Variants in ACIN1 observed in about 807,000 individuals in gnomAD.
The protein encoded by ACIN1 is apoptotic chromatin condensation inducer in the nucleus.
Under a neutral mutation model 146.6 loss-of-function variants are expected in ACIN1, and 16 were observed. The ratio of observed to expected loss-of-function variants is 0.11; its 90% CI spans 0.07 to 0.17. ACIN1 has a LOEUF of 0.17. ACIN1 is among the 10% of genes least tolerant of loss of function. The pLI, the probability that ACIN1 is intolerant of heterozygous loss-of-function variation, is 1.00. For synonymous variants in ACIN1, 569 were observed against 582.7 expected, an observed-to-expected ratio of 0.98 and a Z score of 0.34; for missense variants, 1,357 against 1,609.3, an observed-to-expected ratio of 0.84 and a Z score of 2.68.
chr14:23,078,768 A>C, intron 7 of ACIN1, 52 bp downstream of exon 7: 5 of 1,555,562 alleles, frequency 3.2e-6, no homozygotes, highest in Non-Finnish European at 3.5e-6. Context: ...ACAAGAGGGA[A>C]GATCTTGCTT....
intron 1 of ACIN1, chr14:23,094,443 G>A (rs939364723): frequency 4.1e-6 from 4 of 983,690 alleles, no homozygotes; most frequent in African/African-American, 3.5e-5. Flanking sequence ...CTAAATTAGA[G>A]ACCTCTCTCT....
At chr14:23,082,807 T>C (rs1193047234) in intron 4 of ACIN1, among the ~76,000 whole-genome samples, 3 of 151,604 alleles carry the variant, frequency 2.0e-5, no homozygotes, top group Non-Finnish European at 2.9e-5. Flanking sequence ...TGGCATGATC[T>C]AGGCTCACCA....
intron 7 of ACIN1, 25 bp from the exon 8 acceptor site, chr14:23,078,291 CAG>C: frequency 6.2e-7 from 1 of 1,603,032 alleles, no homozygotes; most frequent in Non-Finnish European, 8.5e-7. Context: ...CAAAAACGAA[CAG>C]AGCAAAACAT....
At chr14:23,082,421 T>C (rs892069171) in intron 4 of ACIN1, among the ~76,000 whole-genome samples, 3 of 151,600 alleles carry the variant, frequency 2.0e-5, no homozygotes, top group African/African-American at 7.3e-5. Flanking sequence ...TTAGGTTTTA[T>C]GTATTAGAGC....
intron 7 of ACIN1, 87 bp from the exon 8 acceptor site, chr14:23,078,353 G>T: frequency 8.7e-7 from 1 of 1,143,354 alleles, no homozygotes; most frequent in African/African-American, 1.5e-5. Flanking sequence ...AAAAAGGCAG[G>T]GCAGGACATA....
Position 23,068,368 on chromosome 14 carries a change from G to A in ACIN1, c.2265+1108C>T. ...AGCACTGGCACAAGCTCTTCTTGGG[G>A]TGTCCCAAGTAGGGAGATGATGCAA... On this transcript the variant is annotated intron_variant, in intron 9 of 18. Coordinates refer to ENST00000605057, the MANE Select transcript of ACIN1 (RefSeq NM_001386863.1). The surrounding 1 kb of genome is among the most constrained non-coding windows in gnomAD (Gnocchi z 4.3). The A allele has an allele frequency of 1.0e-6, 1 of 985,974 alleles. No homozygotes were observed. The highest frequency in any genetic ancestry group is 1.2e-6 in the Non-Finnish European group (1 of 829,988). 61.1% of individuals were successfully genotyped at this position (985,974 alleles called of 1,614,324 possible). A position where few individuals can be genotyped will look rare whatever the true frequency, so the allele number is the denominator to read the frequency against.
At chr14:23,075,322 CCT>C (rs1491124791) in intron 8 of ACIN1, among the ~76,000 whole-genome samples, 3 of 134,880 alleles carry the variant, frequency 2.2e-5, no homozygotes, top group African/African-American at 3.4e-5. Context: ...TCTTTCTTCC[CCT>C]TTTTTTTTTT....
intron 16 of ACIN1, 32 bp downstream of exon 16, chr14:23,062,136 C>T: frequency 6.8e-7 from 1 of 1,480,768 alleles, no homozygotes; most frequent in Non-Finnish European, 9.4e-7. Context: ...TTCCCCTGCC[C>T]CTCCTCTCTT....
intron 1 of ACIN1, chr14:23,094,721 G>C: frequency 9.1e-6 from 6 of 662,034 alleles, no homozygotes; most frequent in Middle Eastern, 4.4e-4. Flanking sequence ...GAAGGAGGAA[G>C]GAGCTTAAGA....
intron 4 of ACIN1, among the ~76,000 whole-genome samples, chr14:23,088,341 G>GT (rs2048140132): frequency 6.6e-6 from 1 of 152,156 alleles, no homozygotes; most frequent in Admixed American, 6.5e-5. Context: ...GTATTGGCCA[G>GT]TATTTTCTTA....
chr14:23,094,837 T>C (rs2048332478), intron 1 of ACIN1, 138 bp downstream of exon 1: 1 of 1,279,338 alleles, frequency 7.8e-7, no homozygotes, highest in East Asian at 2.4e-5. Flanking sequence ...TCAACCACCG[T>C]GCGCGCGGAT....
Position 23,079,848 on chromosome 14 carries a change from T to A in ACIN1, c.1487A>T (p.Gln496Leu), listed in dbSNP as rs200642223. 1 of 1,614,224 alleles carries A rather than the reference T, an allele frequency of 6.2e-7. No homozygotes were observed. The highest frequency in any genetic ancestry group is 8.5e-7 in the Non-Finnish European group (1 of 1,180,034). Reference protein sequence around the residue: ...EECLKQPSLEQKEGRRASHTL... With the variant: ...EECLKQPSLELKEGRRASHTL... Reference sequence around the variant, plus strand: ...ATGAGAAGCTCTTCTGCCTTCCTTCTGTTCCAAAGATGGCTGTTTCAGACA... The same window carrying A: ...ATGAGAAGCTCTTCTGCCTTCCTTCAGTTCCAAAGATGGCTGTTTCAGACA... Residue 496 changes from glutamine (Q) to leucine (L), a missense_variant, in exon 6 of 19, where the codon CAG becomes CTG. Physicochemically the swap from Gln to Leu is moderately radical, Grantham distance 113. Coordinates refer to ENST00000605057, the MANE Select transcript of ACIN1 (RefSeq NM_001386863.1).
intron 1 of ACIN1, 153 bp downstream of exon 1, chr14:23,094,822 C>T: frequency 8.5e-7 from 1 of 1,183,218 alleles, no homozygotes; most frequent in African/African-American, 1.5e-5. Context: ...CCAGCGCGAA[C>T]CTCATCAACC....
At chr14:23,093,247 G>T (rs1040190940) in intron 2 of ACIN1, among the ~76,000 whole-genome samples, 1 of 152,188 alleles carries the variant, frequency 6.6e-6, no homozygotes, top group African/African-American at 2.4e-5. Context: ...TTCTACACAT[G>T]CCATTTCAAT....
In ACIN1 at chr14:23,064,275, C is replaced by T; in HGVS notation, c.2443-18G>A. The stretch of plus-strand genomic sequence containing the variant: ...ATGAGGCTCTGGGACACAGATACCC[C>T]CCACCCCGTTACACTGGGCCCATGT... On this transcript the variant is annotated intron_variant, in intron 11 of 18. Coordinates refer to ENST00000605057, the MANE Select transcript of ACIN1 (RefSeq NM_001386863.1). 1 of 1,613,978 alleles carries T rather than the reference C, an allele frequency of 6.2e-7. No individual in the cohort carries two copies. The highest frequency in any genetic ancestry group is 1.3e-5 in the African/African-American group (1 of 75,048).
intron 4 of ACIN1, among the ~76,000 whole-genome samples, chr14:23,089,510 C>T (rs1193984451): frequency 2.6e-5 from 4 of 152,218 alleles, no homozygotes; most frequent in African/African-American, 4.8e-5. Flanking sequence ...TGTCCATGTC[C>T]TCACTAGACT....
At chr14:23,070,105 C>T (rs2047585364) in intron 8 of ACIN1, among the ~76,000 whole-genome samples, 1 of 145,844 alleles carries the variant, frequency 6.9e-6, no homozygotes. Flanking sequence ...AAGGCTTTGG[C>T]AAAAAAGCCT....
rs561222807 is a variant in ACIN1 at position 23,076,922 on chromosome 14, C to A, written c.2123+1229G>T. Among the ~76,000 whole-genome samples, 7 of 152,262 alleles carry A rather than the reference C, an allele frequency of 4.6e-5. No homozygotes were observed. The South Asian group carries it at 1.5e-3, about 32-fold the overall frequency. ...TCACTTTATGGTCCCAGAAGAAAAACCCTTTTCCAAAGGATAGCGTACCCA... is the reference window on the plus strand; with the variant it reads ...TCACTTTATGGTCCCAGAAGAAAAAACCTTTTCCAAAGGATAGCGTACCCA... On this transcript the variant is annotated intron_variant, in intron 8 of 18. Transcript: ENST00000605057.
chr14:23,059,684 G>A (rs1169583110), intron 18 of ACIN1, among the ~76,000 whole-genome samples: 10 of 142,324 alleles, frequency 7.0e-5, no homozygotes, highest in Admixed American at 1.5e-4. Context: ...ACGGAGTCTC[G>A]CTCCGTCGCC....
Sources: allele counts gnomAD v4.1 joint callset (sites outside exome capture counted in the v4.1 genomes callset), GRCh38; gene constraint gnomAD v4.1.1; non-coding constraint Gnocchi (gnomAD v3.1); transcripts MANE v1.5; gene names NCBI Gene and HGNC (gene_info 2026-07-23, HGNC 2026-07-21).